SNX30: variants seen among roughly 807,000 people sequenced by gnomAD.
SNX30 encodes sorting nexin-30.
A neutral mutation model predicts 46.4 loss-of-function variants in SNX30; 24 were observed. That is an observed-to-expected ratio of 0.52 (90% confidence interval 0.37 to 0.73). The LOEUF (loss-of-function observed/expected upper bound fraction) is 0.73. SNX30 is among the 30% of genes least tolerant of loss of function. The pLI, the probability that SNX30 is intolerant of heterozygous loss-of-function variation, is 0.00. For missense variants in SNX30, 533 were observed against 555.7 expected (o/e 0.96, Z 0.41); for synonymous variants, 189 against 211.5 (o/e 0.89, Z 0.92).
chr9:112,777,093 G>A (rs954480322), intron 1 of SNX30, among the ~76,000 whole-genome samples: 2 of 151,902 alleles, frequency 1.3e-5, no homozygotes, highest in South Asian at 4.2e-4. Context: ...GACCTTTTAG[G>A]TTTTGGTTCC....
chr9:112,751,071 C>G lies in SNX30; in HGVS notation c.70C>G (p.Leu24Val). 1 of 1,501,624 alleles carries G rather than the reference C, an allele frequency of 6.7e-7. No individual in the cohort carries two copies. Among genetic ancestry groups the G allele is most frequent in the Non-Finnish European group, 8.8e-7 (1 of 1,131,558 alleles). 93.0% of individuals were successfully genotyped at this position (1,501,624 alleles called of 1,614,324 possible). The change falls in exon 1 of 9, where the codon CTG becomes GTG. Residue 24 changes from leucine to valine, a missense_variant. Leu to Val is a conservative substitution (Grantham distance 32). This residue lies in a region of SNX30 where 191 missense variants were observed against 160.3 expected (regional missense o/e 1.19). Coordinates refer to ENST00000374232, the MANE Select transcript of SNX30 (RefSeq NM_001012994.2). ...PHSLRDMPHP[L>V]AGSSSEEAVG... ...CTCCCTGCGCGACATGCCGCACCCGCTGGCCGGCTCCAGCAGCGAGGAGGC... is the reference window on the plus strand; with the variant it reads ...CTCCCTGCGCGACATGCCGCACCCGGTGGCCGGCTCCAGCAGCGAGGAGGC...
chr9:112,750,483 G>C (rs1936689281), upstream of SNX30: 1 of 152,290 alleles, frequency 6.6e-6, no homozygotes, highest in Non-Finnish European at 1.5e-5. Context: ...AACGGAACAG[G>C]CTCCTCCAAC....
chr9:112,785,615 C>A lies in SNX30; in HGVS notation c.157-19161C>A, dbSNP rs143309063. Among the ~76,000 whole-genome samples the A allele has an allele frequency of 3.9e-3, 594 of 152,188 alleles. 8 individuals are homozygous for A. The highest frequency in any genetic ancestry group is 0.014 in the African/African-American group (568 of 41,518). ...ACCTGGCTGGTCTCAAACTCCTGGC[C>A]TCAAGTGATCTGCCTGCCTTGGCTT... On this transcript the variant is annotated intron_variant, in intron 1 of 8. Coordinates refer to ENST00000374232, the MANE Select transcript of SNX30 (RefSeq NM_001012994.2).
chr9:112,804,321 T>C (rs2096187), intron 1 of SNX30, among the ~76,000 whole-genome samples: 122,868 of 151,992 alleles, frequency 0.81, 49,647 homozygotes, highest in Middle Eastern at 0.87. Flanking sequence ...TGCACCACCA[T>C]GTCCAGCTAA....
At chr9:112,879,753 T>G (rs1297190111), downstream of SNX30, 7 of 1,611,520 alleles carry the variant, frequency 4.3e-6, no homozygotes, top group African/African-American at 9.3e-5. Context: ...TTCCTGCAGG[T>G]AAGCATCTTC....
chr9:112,772,663 A>G (rs1255593351), intron 1 of SNX30, among the ~76,000 whole-genome samples: 2 of 152,200 alleles, frequency 1.3e-5, no homozygotes, highest in African/African-American at 2.4e-5. Context: ...TGTACCCAGT[A>G]CTGAGTGTGA....
intron 7 of SNX30, among the ~76,000 whole-genome samples, chr9:112,860,092 C>G (rs2131498830): frequency 6.6e-6 from 1 of 152,230 alleles, no homozygotes; most frequent in Admixed American, 6.5e-5. Flanking sequence ...ACTACAGGAG[C>G]ACACCACCAT....
Position 112,776,005 on chromosome 9 carries a change from A to G in SNX30, c.156+24848A>G, listed in dbSNP as rs1011652116. ...TCCAGATGAGAAGTCTGTGCAAGTG[A>G]TTCTTTTTCTTCTTCATGTAGTCTT... is the stretch of plus-strand genomic sequence containing the variant. On this transcript the variant is annotated intron_variant, in intron 1 of 8. Transcript: ENST00000374232. Among the ~76,000 whole-genome samples the G allele has an allele frequency of 2.0e-5, 3 of 152,118 alleles. No individual in the cohort carries two copies. In the South Asian group the frequency reaches 6.2e-4, roughly 32 times the overall value.
chr9:112,815,553 G>T (rs1840383861), intron 2 of SNX30, among the ~76,000 whole-genome samples: 1 of 152,004 alleles, frequency 6.6e-6, no homozygotes, highest in Admixed American at 6.6e-5. Context: ...TAGAGACAGG[G>T]TTTCACCATG....
chr9:112,839,496 C>T (rs1439763777), intron 6 of SNX30, among the ~76,000 whole-genome samples: 2 of 152,178 alleles, frequency 1.3e-5, no homozygotes, highest in Non-Finnish European at 2.9e-5. Flanking sequence ...AAATCTTTGG[C>T]CTCAAATTCT....
At position 112,795,608 on chromosome 9, in the gene SNX30, A is replaced by G. The variant is rs564546066; in HGVS notation, c.157-9168A>G. Among the ~76,000 whole-genome samples, 3 of 152,254 alleles carry G rather than the reference A, an allele frequency of 2.0e-5. No individual in the cohort carries two copies. The East Asian group carries it at 5.8e-4, about 29-fold the overall frequency. Reference sequence around the variant, plus strand: ...AACAACTGATTCGAGAACTAACTTCATACTGTCTGGCCAAGACATTTCAGA... The same window carrying G: ...AACAACTGATTCGAGAACTAACTTCGTACTGTCTGGCCAAGACATTTCAGA... On this transcript the variant is annotated intron_variant, in intron 1 of 8. Coordinates refer to ENST00000374232, the MANE Select transcript of SNX30 (RefSeq NM_001012994.2).
intron 6 of SNX30, among the ~76,000 whole-genome samples, chr9:112,840,776 G>GCC (rs1355313573): frequency 3.4e-5 from 5 of 146,124 alleles, no homozygotes; most frequent in Admixed American, 6.9e-5. Flanking sequence ...ACTGCGCCTG[G>GCC]CTGATATTTC....
At chr9:112,775,555 TG>T (rs1839732777) in intron 1 of SNX30, among the ~76,000 whole-genome samples, 1 of 148,778 alleles carries the variant, frequency 6.7e-6, no homozygotes, top group African/African-American at 2.5e-5. Flanking sequence ...TGTGTGTGTG[TG>T]TGTGTGTGTG....
chr9:112,879,405 C>G (rs560726658), downstream of SNX30: 31 of 218,430 alleles, frequency 1.4e-4, no homozygotes, highest in African/African-American at 6.3e-4. Flanking sequence ...CAAGACAGTC[C>G]CTTGAAGAAA....
At chr9:112,851,039 G>A in intron 7 of SNX30, 94 bp downstream of exon 7, 1 of 909,108 alleles carries the variant, frequency 1.1e-6, no homozygotes, top group Middle Eastern at 2.4e-4. Flanking sequence ...ACTAAGAGTG[G>A]TCAGTGCCGG....
chr9:112,813,932 A>T (rs1385526602), intron 2 of SNX30, among the ~76,000 whole-genome samples: 1 of 152,250 alleles, frequency 6.6e-6, no homozygotes, highest in African/African-American at 2.4e-5. Context: ...GAAGATCATT[A>T]TGCAAATATC....
intron 1 of SNX30, among the ~76,000 whole-genome samples, chr9:112,764,357 A>G (rs1175960836): frequency 6.6e-6 from 1 of 152,188 alleles, no homozygotes; most frequent in Non-Finnish European, 1.5e-5. Context: ...TGGGAGACCA[A>G]TTAAGTGTTT....
At chr9:112,865,742 TGA>T (rs1225960670) in intron 8 of SNX30, among the ~76,000 whole-genome samples, 15 of 140,156 alleles carry the variant, frequency 1.1e-4, no homozygotes, top group African/African-American at 3.9e-4. Context: ...CACACATGAG[TGA>T]GTGTGTGTGT....
chr9:112,793,726 G>A (rs960418615), intron 1 of SNX30, among the ~76,000 whole-genome samples: 7 of 151,864 alleles, frequency 4.6e-5, no homozygotes, highest in African/African-American at 1.7e-4. Flanking sequence ...GCATTTGGAT[G>A]GCACCCTTTC....
Sources: gnomAD v4.1 joint callset for allele counts (sites outside exome capture counted in the v4.1 genomes callset) on GRCh38, gnomAD v4.1.1 for gene constraint, gnomAD v4.1.1 regional missense constraint, MANE v1.5 for transcripts, NCBI Gene and HGNC (gene_info 2026-07-23, HGNC 2026-07-21) for gene names.